Variants in AFF3 observed in about 807,000 individuals in gnomAD.
AFF3 encodes the protein ALF transcription elongation factor 3.
AFF3 carries 32 observed loss-of-function variants against 129.7 expected under a neutral mutation model. That is an observed-to-expected ratio of 0.25 (90% CI 0.19 to 0.33). The LOEUF (loss-of-function observed/expected upper bound fraction) is 0.33, where lower values mean the gene tolerates loss of function less well. Among genes scored for constraint, AFF3 ranks in the 10% least tolerant of loss-of-function variants. The pLI, the probability that AFF3 is intolerant of heterozygous loss-of-function variation, is 1.00. For synonymous variants in AFF3, 644 were observed against 635.4 expected, an observed-to-expected ratio of 1.01 and a Z score of -0.20; for missense variants, 1,373 against 1,592.0, an observed-to-expected ratio of 0.86 and a Z score of 2.34.
chr2:99,571,164 G>C (rs912797982), intron 18 of AFF3, among the ~76,000 whole-genome samples: 1 of 152,190 alleles, frequency 6.6e-6, no homozygotes, highest in African/African-American at 2.4e-5. Flanking sequence ...TTCATTTTGA[G>C]CTTAGAAAAG....
At chr2:99,671,939 C>G (rs920549460) in intron 12 of AFF3, among the ~76,000 whole-genome samples, 2 of 152,054 alleles carry the variant, frequency 1.3e-5, no homozygotes, top group Non-Finnish European at 2.9e-5. Flanking sequence ...ACTGATGTCT[C>G]GAGCTGATAA....
intron 4 of AFF3, among the ~76,000 whole-genome samples, chr2:100,071,850 G>A (rs982817047): frequency 6.6e-6 from 1 of 152,080 alleles, no homozygotes; most frequent in Non-Finnish European, 1.5e-5. Flanking sequence ...GGTTTCAAGG[G>A]ATATCTATTC....
chr2:100,098,517 C>G (rs1469349758), intron 4 of AFF3, among the ~76,000 whole-genome samples: 1 of 141,142 alleles, frequency 7.1e-6, no homozygotes, highest in Non-Finnish European at 1.5e-5. Context: ...GGTCTTCGTT[C>G]AAGTTGCTCA....
chr2:99,649,743 A>G lies in AFF3; in HGVS notation c.1144-77T>C, dbSNP rs1685060328. On this transcript the variant is annotated intron_variant, in intron 12 of 24. Coordinates refer to ENST00000672756, the MANE Select transcript of AFF3 (RefSeq NM_001386135.1). The stretch of plus-strand genomic sequence containing the variant: ...TACGTGCTCAATGAACACTTAAAAA[A>G]AAGACCCCTGCATTACACACATTTT... The G allele has an allele frequency of 1.9e-6, 3 of 1,541,598 alleles. No homozygotes were observed. In the East Asian group the frequency reaches 6.7e-5, roughly 35 times the overall value.
chr2:99,901,079 T>C (rs1694311970), intron 7 of AFF3, among the ~76,000 whole-genome samples: 1 of 152,232 alleles, frequency 6.6e-6, no homozygotes, highest in South Asian at 2.1e-4. Context: ...CATATGCATG[T>C]GTGTGCATGC....
At chr2:100,134,479 T>C (rs1344525079) in intron 1 of AFF3, among the ~76,000 whole-genome samples, 1 of 152,248 alleles carries the variant, frequency 6.6e-6, no homozygotes. Context: ...TTCATCTTTT[T>C]ATGTTTTTGT....
intron 7 of AFF3, among the ~76,000 whole-genome samples, chr2:99,985,845 T>A (rs1458464729): frequency 6.6e-6 from 1 of 152,086 alleles, no homozygotes; most frequent in East Asian, 1.9e-4. Flanking sequence ...TAAAAATTCT[T>A]CAAGTTGTAT....
chr2:100,044,262 C>T (rs1316991247), intron 4 of AFF3, among the ~76,000 whole-genome samples: 3 of 152,188 alleles, frequency 2.0e-5, no homozygotes, highest in South Asian at 2.1e-4. Flanking sequence ...GATCCCCTCT[C>T]GTGGAAAACA....
intron 4 of AFF3, among the ~76,000 whole-genome samples, chr2:100,051,624 A>T (rs773927407): frequency 6.6e-6 from 1 of 152,200 alleles, no homozygotes; most frequent in Non-Finnish European, 1.5e-5. Context: ...CACATTTCTT[A>T]TCTACTGTTA....
intron 2 of AFF3, chr2:100,106,117 G>C: frequency 7.9e-7 from 1 of 1,260,872 alleles, no homozygotes; most frequent in South Asian, 1.3e-5. Context: ...TTTCCTATTT[G>C]AGATCGGATT....
At chr2:99,801,242 AG>A (rs1158590307) in intron 8 of AFF3, among the ~76,000 whole-genome samples, 2 of 152,184 alleles carry the variant, frequency 1.3e-5, no homozygotes, top group African/African-American at 2.4e-5. Context: ...GCTCCCAGCA[AG>A]GTTTCTTTCA....
chr2:99,986,351 G>A (rs959014837), intron 7 of AFF3, among the ~76,000 whole-genome samples: 28 of 151,614 alleles, frequency 1.8e-4, no homozygotes, highest in African/African-American at 5.6e-4. Flanking sequence ...TCCATCCTGC[G>A]TTTACACACC....
chr2:99,563,694 G>A (rs974126488), intron 20 of AFF3, among the ~76,000 whole-genome samples: 23 of 150,362 alleles, frequency 1.5e-4, no homozygotes, highest in African/African-American at 5.4e-4. Flanking sequence ...CCTGTAATCC[G>A]AGCTACTGGG....
At chr2:100,027,259 T>C (rs1418058859) in intron 4 of AFF3, among the ~76,000 whole-genome samples, 2 of 152,202 alleles carry the variant, frequency 1.3e-5, no homozygotes, top group East Asian at 1.9e-4. Context: ...TCTATTCTGA[T>C]AGCACCTAAT....
chr2:99,943,044 C>T (rs1426542397), intron 7 of AFF3, among the ~76,000 whole-genome samples: 1 of 152,130 alleles, frequency 6.6e-6, no homozygotes, highest in Non-Finnish European at 1.5e-5. Flanking sequence ...CTGAATAAGA[C>T]CCAGGCTGCT....
chr2:99,966,710 A>G (rs1412641763), intron 7 of AFF3, among the ~76,000 whole-genome samples: 1 of 148,226 alleles, frequency 6.7e-6, no homozygotes, highest in Non-Finnish European at 1.5e-5. Flanking sequence ...AAAAAAAAAA[A>G]AAAAAAAAAA....
At chr2:99,986,053 T>C (rs993692399) in intron 7 of AFF3, among the ~76,000 whole-genome samples, 4 of 151,446 alleles carry the variant, frequency 2.6e-5, no homozygotes, top group Non-Finnish European at 5.9e-5. Context: ...ACAAAAAAAT[T>C]AGTCAGGCGT....
In AFF3 at chr2:99,869,826, C is replaced by T. The variant is rs531130642; in HGVS notation, c.874-32302G>A. Among the ~76,000 whole-genome samples, 7 of 152,282 alleles carry T rather than the reference C, an allele frequency of 4.6e-5. No individual in the cohort carries two copies. The East Asian group carries it at 1.2e-3, about 25-fold the overall frequency. ...AAAATTTTGATCACTGGTGGATGCA[C>T]TCAAAATCCTGCTCTTCTCTGGGAG... On this transcript the variant is annotated intron_variant, in intron 7 of 24. Transcript: ENST00000672756.
chr2:100,117,702 A>C (rs1691787254), intron 2 of AFF3, among the ~76,000 whole-genome samples: 1 of 152,210 alleles, frequency 6.6e-6, no homozygotes, highest in Non-Finnish European at 1.5e-5. Flanking sequence ...GTATTTGAAA[A>C]ACAGTAATAT....
Sources: allele counts gnomAD v4.1 joint callset (sites outside exome capture counted in the v4.1 genomes callset), GRCh38; gene constraint gnomAD v4.1.1; transcripts MANE v1.5; gene names NCBI Gene and HGNC (gene_info 2026-07-23, HGNC 2026-07-21).